The following CDC73 variants were observed in gnomAD, a reference collection of about 807,000 sequenced individuals.
CDC73 encodes the protein cell division cycle 73, also known as parafibromin.
Under a neutral mutation model 83.7 loss-of-function variants are expected in CDC73, and 21 were observed. The observed-to-expected ratio is 0.25, with a 90% CI of 0.18 to 0.36. The LOEUF is 0.36. Among genes scored for constraint, CDC73 ranks in the 10% least tolerant of loss-of-function variants. The pLI, the probability that CDC73 is intolerant of heterozygous loss-of-function variation, is 1.00. For missense variants in CDC73, 342 were observed against 653.3 expected (o/e 0.52, Z 5.19); for synonymous variants, 224 against 212.9 (o/e 1.05, Z -0.45).
intron 13 of CDC73, among the ~76,000 whole-genome samples, chr1:193,226,218 T>G (rs1677565074): frequency 6.6e-6 from 1 of 152,172 alleles, no homozygotes; most frequent in South Asian, 2.1e-4. Context: ...TTGCCAAAGA[T>G]CAGTTGGCAA....
chr1:193,193,213 G>A (rs949007244), intron 10 of CDC73, among the ~76,000 whole-genome samples: 1 of 152,160 alleles, frequency 6.6e-6, no homozygotes, highest in African/African-American at 2.4e-5. Flanking sequence ...TGTATAAGGG[G>A]TTTGCTAACC....
chr1:193,236,489 T>C lies in CDC73; in HGVS notation c.1417+133T>C, dbSNP rs1188304361. On this transcript the variant is annotated intron_variant, in intron 15 of 16. Transcript: ENST00000367435. ...CTGTTAAGTAACATATGTTAATGTT[T>C]AAGCATCTGTGACATATTTTTAAAA... The C allele has an allele frequency of 5.8e-6, 4 of 683,948 alleles. No homozygotes were observed. In the Admixed American group the frequency reaches 8.8e-5, roughly 15 times the overall value. 42.4% of individuals were successfully genotyped at this position (683,948 alleles called of 1,614,324 possible). A position where few individuals can be genotyped will look rare whatever the true frequency, so the allele number is the denominator to read the frequency against.
chr1:193,160,331 A>C lies in CDC73; in HGVS notation c.972+7887A>C, dbSNP rs377016878. On this transcript the variant is annotated intron_variant, in intron 10 of 16. Transcript: ENST00000367435. ...AGATTACTAATAATTTTTAGTAATA[A>C]ATTTAACATCACTTTGTTTTAAAAT... 5.9e-5 allele frequency among the ~76,000 whole-genome samples: 9 copies of C among 152,132 alleles called. No homozygotes were observed. In the East Asian group the frequency reaches 1.5e-3, roughly 26 times the overall value.
intron 13 of CDC73, among the ~76,000 whole-genome samples, chr1:193,227,876 T>G (rs1278721507): frequency 6.6e-6 from 1 of 152,204 alleles, no homozygotes; most frequent in Non-Finnish European, 1.5e-5. Flanking sequence ...TGTTTGTTAT[T>G]TAAGGCTTAA....
At chr1:193,205,154 C>T in intron 11 of CDC73, among the ~76,000 whole-genome samples, 1 of 137,364 alleles carries the variant, frequency 7.3e-6, no homozygotes, top group Admixed American at 7.3e-5. Context: ...TTTATTTTTA[C>T]ATTTATTTAG....
intron 10 of CDC73, among the ~76,000 whole-genome samples, chr1:193,155,322 T>C (rs997623953): frequency 4.5e-4 from 68 of 152,226 alleles, no homozygotes; most frequent in Non-Finnish European, 8.8e-5. Context: ...TACAAGTTTG[T>C]ATAGTTGGGT....
At chr1:193,197,777 T>A (rs1271335148) in intron 10 of CDC73, among the ~76,000 whole-genome samples, 1 of 151,580 alleles carries the variant, frequency 6.6e-6, no homozygotes, top group Admixed American at 6.6e-5. Context: ...AATAGAAAAA[T>A]TAGCCAGGTT....
Position 193,135,583 on chromosome 1 carries a change from A to C in CDC73, c.417A>C (p.Arg139=). 1 of 1,608,572 alleles carries C rather than the reference A, an allele frequency of 6.2e-7. No homozygotes were observed. The highest frequency in any genetic ancestry group is 2.2e-5 in the East Asian group (1 of 44,790). The change falls in exon 5 of 17, where the codon CGA becomes CGC. Residue 139 remains arginine, a synonymous_variant. Transcript: ENST00000367435. ...DEVLAEAKKP[R]IEDEECVRLD... is the part of the protein sequence containing the mutation. Reference sequence around the variant, plus strand: ...TTTTAGCAGAAGCAAAGAAACCACGAATTGAGGTAAAGAAACTGTATTTTA... The same window carrying C: ...TTTTAGCAGAAGCAAAGAAACCACGCATTGAGGTAAAGAAACTGTATTTTA...
chr1:193,181,484 G>A (rs1676715908), intron 10 of CDC73: 1 of 1,613,940 alleles, frequency 6.2e-7, no homozygotes, highest in Non-Finnish European at 8.5e-7. Flanking sequence ...ACTCCAATAA[G>A]ATGAGTGCGG....
At chr1:193,212,220 A>G in intron 12 of CDC73, 120 bp downstream of exon 12, 1 of 907,982 alleles carries the variant, frequency 1.1e-6, no homozygotes, top group Admixed American at 2.2e-5. Context: ...ATTCTGATTT[A>G]TTAGTGCCCA....
chr1:193,135,311 C>T (rs1259839264), intron 3 of CDC73, 80 bp from the exon 4 acceptor site: 3 of 1,190,070 alleles, frequency 2.5e-6, no homozygotes, highest in African/African-American at 3.0e-5. Flanking sequence ...ATATAAAAAA[C>T]CTAAAGCATT....
chr1:193,124,124 A>G (rs1050315824), intron 1 of CDC73, among the ~76,000 whole-genome samples: 8 of 152,398 alleles, frequency 5.2e-5, no homozygotes, highest in African/African-American at 1.9e-4. Flanking sequence ...CAGTGAAGCC[A>G]GTGAAAAAGG....
intron 5 of CDC73, among the ~76,000 whole-genome samples, chr1:193,136,178 G>A (rs1226601248): frequency 6.6e-6 from 1 of 152,038 alleles, no homozygotes; most frequent in Non-Finnish European, 1.5e-5. Flanking sequence ...CTTTAATATT[G>A]TAGTGTGAAA....
At chr1:193,176,689 A>C (rs1325577446) in intron 10 of CDC73, among the ~76,000 whole-genome samples, 1 of 152,200 alleles carries the variant, frequency 6.6e-6, no homozygotes, top group African/African-American at 2.4e-5. Context: ...AGGCTATGTT[A>C]ATCTCATAGT....
chr1:193,206,785 A>G (rs1402667226), intron 11 of CDC73, among the ~76,000 whole-genome samples: 2 of 152,246 alleles, frequency 1.3e-5, no homozygotes, highest in Non-Finnish European at 2.9e-5. Context: ...GAGCATTCAC[A>G]AATTTTTATT....
chr1:193,217,627 T>C (rs958282287), intron 13 of CDC73, among the ~76,000 whole-genome samples: 5 of 152,070 alleles, frequency 3.3e-5, no homozygotes, highest in South Asian at 2.1e-4. Context: ...TCTGCTGATA[T>C]GCTCCTTTTG....
chr1:193,177,894 A>G (rs576782719), intron 10 of CDC73, among the ~76,000 whole-genome samples: 5 of 152,230 alleles, frequency 3.3e-5, no homozygotes, highest in South Asian at 4.1e-4. Flanking sequence ...ATCAAAATAA[A>G]TAAGTATTCT....
intron 1 of CDC73, among the ~76,000 whole-genome samples, chr1:193,122,720 T>G (rs1177383435): frequency 2.0e-5 from 3 of 152,202 alleles, no homozygotes; most frequent in Non-Finnish European, 2.9e-5. Flanking sequence ...TTATTTTTTT[T>G]TTCTCTTTTC....
intron 7 of CDC73, 117 bp downstream of exon 7, chr1:193,142,183 C>T (rs896156727): frequency 7.3e-6 from 6 of 819,430 alleles, no homozygotes; most frequent in Non-Finnish European, 1.2e-5. Context: ...CAAGTTTTAT[C>T]TCTTTGAAAG....
Sources: gnomAD v4.1 joint callset for allele counts (sites outside exome capture counted in the v4.1 genomes callset) on GRCh38, gnomAD v4.1.1 for gene constraint, MANE v1.5 for transcripts, NCBI Gene and HGNC (gene_info 2026-07-23, HGNC 2026-07-21) for gene names.